Variants in BCAR1 observed in about 807,000 individuals in gnomAD.
The protein encoded by BCAR1 is BCAR1 scaffold protein, Cas family member.
BCAR1 carries 30 observed loss-of-function variants against 67.6 expected under a neutral mutation model. That is an observed-to-expected ratio of 0.44 (90% CI 0.33 to 0.60). The LOEUF (loss-of-function observed/expected upper bound fraction) is 0.60. Ranked by LOEUF, BCAR1 falls within the 20% of genes least tolerant of loss-of-function variation. The probability of loss-of-function intolerance (pLI) is 0.02; values close to 1 mark genes in which losing one functional copy is unlikely to be tolerated. For synonymous variants in BCAR1, 626 were observed against 556.7 expected, an observed-to-expected ratio of 1.12 and a Z score of -1.75; for missense variants, 1,313 against 1,222.3, an observed-to-expected ratio of 1.07 and a Z score of -1.11.
At chr16:75,264,155 G>A in intron 1 of BCAR1, 3 of 1,318,194 alleles carry the variant, frequency 2.3e-6, no homozygotes, top group Non-Finnish European at 2.9e-6. Flanking sequence ...TGTTACAGAT[G>A]AGGCACAGTG....
At chr16:75,232,209 G>T (rs1337752971) in intron 6 of BCAR1, among the ~76,000 whole-genome samples, 1 of 139,990 alleles carries the variant, frequency 7.1e-6, no homozygotes, top group Admixed American at 7.2e-5. Flanking sequence ...CGCCCAGGCT[G>T]GAGTGCAGTG....
chr16:75,236,101 C>T (rs1386070854), intron 4 of BCAR1, 115 bp from the exon 5 acceptor site: 2 of 1,332,674 alleles, frequency 1.5e-6, no homozygotes, highest in Admixed American at 5.0e-5. Context: ...GACACACACA[C>T]AGAGGCACGC....
chr16:75,256,448 A>T (rs2077778169), upstream of BCAR1, among the ~76,000 whole-genome samples: 6 of 147,924 alleles, frequency 4.1e-5, no homozygotes, highest in Non-Finnish European at 8.9e-5. Flanking sequence ...GTCCCCAGAG[A>T]CCCGGGGGCA....
chr16:75,251,724 A>G, upstream of BCAR1: 1 of 977,846 alleles, frequency 1.0e-6, no homozygotes, highest in Non-Finnish European at 1.2e-6. Flanking sequence ...CCATGCAAAT[A>G]AGCCGCCTGT....
chr16:75,233,823 C>T, intron 6 of BCAR1, 23 bp downstream of exon 6: 2 of 1,581,464 alleles, frequency 1.3e-6, no homozygotes, highest in Non-Finnish European at 1.7e-6. Context: ...AAAGCTGGGC[C>T]TTGCTCTGCT....
intron 1 of BCAR1, chr16:75,263,916 T>A: frequency 9.3e-7 from 1 of 1,073,460 alleles, no homozygotes; most frequent in Non-Finnish European, 1.1e-6. Flanking sequence ...CCCCACCACC[T>A]CACACACTGC....
chr16:75,244,881 G>T (rs2077467128), intron 1 of BCAR1, among the ~76,000 whole-genome samples: 1 of 152,248 alleles, frequency 6.6e-6, no homozygotes, highest in East Asian at 1.9e-4. Flanking sequence ...AAAATGTCCT[G>T]TGAAACGTAA....
chr16:75,251,446 G>A, intron 1 of BCAR1, 25 bp downstream of exon 1: 1 of 1,460,510 alleles, frequency 6.8e-7, no homozygotes, highest in Non-Finnish European at 9.0e-7. Context: ...CCCGTACGCG[G>A]CCCGGCCCCA....
chr16:75,253,970 A>ATT (rs34459394), upstream of BCAR1, among the ~76,000 whole-genome samples: 33,316 of 147,748 alleles, frequency 0.23, 4,850 homozygotes, highest in African/African-American at 0.41. Context: ...GTTAGCCCCA[A>ATT]TTTTTTTTTT....
At chr16:75,236,067 C>T in intron 4 of BCAR1, 81 bp from the exon 5 acceptor site, 1 of 1,478,378 alleles carries the variant, frequency 6.8e-7, no homozygotes, top group Non-Finnish European at 9.0e-7. Flanking sequence ...CAGCCACACA[C>T]ACACACACAC....
chr16:75,267,307 G>A (rs2078022402), intron 1 of BCAR1, among the ~76,000 whole-genome samples: 1 of 151,692 alleles, frequency 6.6e-6, no homozygotes, highest in Non-Finnish European at 1.5e-5. Context: ...CACCTCTTGA[G>A]TGGGGTTCCC....
intron 1 of BCAR1, among the ~76,000 whole-genome samples, chr16:75,260,615 CAG>C: frequency 7.3e-6 from 1 of 136,094 alleles, no homozygotes; most frequent in East Asian, 2.2e-4. Context: ...GCCTGGGTGA[CAG>C]AGTGAGACTC....
intron 3 of BCAR1, 44 bp downstream of exon 3, chr16:75,237,139 G>A (rs761997931): frequency 2.7e-6 from 4 of 1,494,752 alleles, no homozygotes; most frequent in Non-Finnish European, 3.6e-6. Context: ...CAGAGGCACA[G>A]ACTTGCCGCC....
Position 75,237,770 on chromosome 16 carries a change from G to A in BCAR1, c.634-426C>T, listed in dbSNP as rs115836189. On this transcript the variant is annotated intron_variant, in intron 2 of 6. Transcript: ENST00000162330. ...GACAAGAGGCCACGTCGGAGGCCTGGGAGTCTGCTGCCCACACCACCTAGC... is the reference window on the plus strand; with the variant it reads ...GACAAGAGGCCACGTCGGAGGCCTGAGAGTCTGCTGCCCACACCACCTAGC... Among the ~76,000 whole-genome samples the A allele has an allele frequency of 7.8e-3, 1,181 of 152,310 alleles. 19 individuals carry two copies. Among genetic ancestry groups the A allele is most frequent in the African/African-American group, 0.027 (1,110 of 41,580 alleles).
intron 1 of BCAR1, chr16:75,264,769 G>A: frequency 1.4e-6 from 1 of 707,106 alleles, no homozygotes; most frequent in East Asian, 4.4e-5. Flanking sequence ...TTCACGGAAA[G>A]GATGGGGTCC....
exon 1 of BCAR1, chr16:75,267,940 G>C (rs148519476): frequency 0.029 from 46,053 of 1,603,334 alleles, 997 homozygotes; most frequent in Middle Eastern, 0.099. Flanking sequence ...CTTGGGTGTG[G>C]GCCTGGGGGC....
chr16:75,265,328 G>C (rs145343355), intron 1 of BCAR1: 1 of 152,404 alleles, frequency 6.6e-6, no homozygotes, highest in African/African-American at 2.4e-5. Flanking sequence ...CACCCCGGGG[G>C]AGTCCCGGGA....
chr16:75,267,929 C>G, exon 1 of BCAR1: 1 of 1,602,878 alleles, frequency 6.2e-7, no homozygotes, highest in Non-Finnish European at 8.5e-7. Flanking sequence ...AGGCAGGGAT[C>G]CTTGGGTGTG....
At chr16:75,248,057 C>A (rs1234874394) in intron 1 of BCAR1, 1 of 1,532,792 alleles carries the variant, frequency 6.5e-7, no homozygotes, top group Non-Finnish European at 8.9e-7. Context: ...CGATTACCTC[C>A]ATCTTACTAG....
Sources: gnomAD v4.1 joint callset for allele counts (sites outside exome capture counted in the v4.1 genomes callset) on GRCh38, gnomAD v4.1.1 for gene constraint, MANE v1.5 for transcripts, NCBI Gene and HGNC (gene_info 2026-07-23, HGNC 2026-07-21) for gene names.